SENP5: variants seen among roughly 807,000 people sequenced by gnomAD.
SENP5 encodes the protein SUMO specific peptidase 5, also known as sentrin-specific protease 5.
A neutral mutation model predicts 74.2 loss-of-function variants in SENP5; 21 were observed. The observed-to-expected ratio is 0.28, with a 90% confidence interval of 0.20 to 0.41. The LOEUF (loss-of-function observed/expected upper bound fraction) is 0.41, where lower values mean the gene tolerates loss of function less well. SENP5 is among the 10% of genes least tolerant of loss of function. SENP5 has a pLI of 1.00. For synonymous variants in SENP5, 311 were observed against 312.7 expected, an observed-to-expected ratio of 0.99 and a Z score of 0.06; for missense variants, 717 against 889.1, an observed-to-expected ratio of 0.81 and a Z score of 2.46.
intron 1 of SENP5, among the ~76,000 whole-genome samples, chr3:196,875,724 TTTATTTTA>T (rs1713434365): frequency 6.6e-6 from 1 of 152,142 alleles, no homozygotes; most frequent in African/African-American, 2.4e-5. Flanking sequence ...TTTTTTAATT[TTTATTTTA>T]TTTTTTTATT....
chr3:196,890,550 G>A (rs1714157661), intron 2 of SENP5, among the ~76,000 whole-genome samples: 1 of 144,346 alleles, frequency 6.9e-6, no homozygotes, highest in African/African-American at 2.4e-5. Flanking sequence ...GTAGCGGGTT[G>A]CTGCAAAAAA....
intron 1 of SENP5, among the ~76,000 whole-genome samples, chr3:196,884,569 T>C (rs1713865832): frequency 6.6e-6 from 1 of 152,190 alleles, no homozygotes; most frequent in Admixed American, 6.5e-5. Flanking sequence ...GTATTACCTT[T>C]CTGTGTATAA....
chr3:196,890,753 A>T (rs1401574704), intron 2 of SENP5, among the ~76,000 whole-genome samples: 1 of 152,224 alleles, frequency 6.6e-6, no homozygotes, highest in Non-Finnish European at 1.5e-5. Context: ...TGTTTTCTAG[A>T]ACTGAAAAGA....
At chr3:196,908,010 C>T (rs1714976037) in intron 6 of SENP5, among the ~76,000 whole-genome samples, 1 of 152,158 alleles carries the variant, frequency 6.6e-6, no homozygotes, top group Non-Finnish European at 1.5e-5. Context: ...TGTCTCACAT[C>T]TGCAGTCTGA....
intron 1 of SENP5, among the ~76,000 whole-genome samples, chr3:196,884,272 G>A (rs79912185): frequency 6.6e-5 from 10 of 152,288 alleles, no homozygotes; most frequent in African/African-American, 2.4e-4. Context: ...TTTATCAAAT[G>A]CTCTCACCCA....
intron 6 of SENP5, among the ~76,000 whole-genome samples, chr3:196,918,977 GTATC>G (rs10576145): frequency 0.66 from 100,283 of 151,620 alleles, 34,208 homozygotes; most frequent in Non-Finnish European, 0.75. Flanking sequence ...ATGTATGTGT[GTATC>G]TATCTATCTA....
Position 196,885,222 on chromosome 3 carries a change from A to C in SENP5, c.41A>C (p.His14Pro), listed in dbSNP as rs764374169. ...AAAATTCTATGGAGGAAAGGAATCC[A>C]CTTAGCCTTTTCTGAGAAATGGAAT... ...QRKILWRKGI[H>P]LAFSEKWNTG... is the part of the protein sequence containing the mutation. Residue 14 changes from histidine to proline, a missense_variant, in exon 2 of 10, where the codon CAC (histidine) becomes CCC (proline). Transcript: ENST00000323460. 182 of 1,613,862 alleles carry C rather than the reference A, an allele frequency of 1.1e-4. No homozygotes were observed. Among genetic ancestry groups the C allele is most frequent in the Non-Finnish European group, 1.5e-4 (176 of 1,179,994 alleles).
intron 1 of SENP5, among the ~76,000 whole-genome samples, chr3:196,872,213 G>C (rs1251916972): frequency 6.6e-6 from 1 of 152,138 alleles, no homozygotes; most frequent in Admixed American, 6.6e-5. Flanking sequence ...CCTTGTGTGC[G>C]TGTTTTATCT....
chr3:196,918,137 T>C (rs748839491), intron 6 of SENP5, among the ~76,000 whole-genome samples: 22 of 149,560 alleles, frequency 1.5e-4, no homozygotes, highest in Non-Finnish European at 2.7e-4. Context: ...AAACTCTGTC[T>C]CTACTAAAAA....
intron 1 of SENP5, among the ~76,000 whole-genome samples, chr3:196,876,245 TAAG>T (rs1325908678): frequency 2.0e-5 from 3 of 152,052 alleles, no homozygotes; most frequent in Non-Finnish European, 2.9e-5. Context: ...TCAGACAGCT[TAAG>T]AAGTATTTAT....
At chr3:196,911,161 A>G (rs933453445) in intron 6 of SENP5, among the ~76,000 whole-genome samples, 2 of 152,238 alleles carry the variant, frequency 1.3e-5, no homozygotes, top group Admixed American at 6.5e-5. Flanking sequence ...AGGCGTGGGC[A>G]AAGACTTCAT....
At chr3:196,929,987 T>TAAA (rs76093991) in intron 9 of SENP5, among the ~76,000 whole-genome samples, 3 of 136,622 alleles carry the variant, frequency 2.2e-5, no homozygotes, top group Non-Finnish European at 3.2e-5. Flanking sequence ...GGCATTTGCA[T>TAAA]AAAAAAAAAA....
intron 1 of SENP5, among the ~76,000 whole-genome samples, chr3:196,876,100 A>G (rs1713452779): frequency 6.6e-6 from 1 of 152,176 alleles, no homozygotes; most frequent in Non-Finnish European, 1.5e-5. Context: ...TTTATATAGA[A>G]GTGATTTTTC....
chr3:196,910,635 C>T (rs1055033097), intron 6 of SENP5, among the ~76,000 whole-genome samples: 2 of 151,884 alleles, frequency 1.3e-5, no homozygotes, highest in South Asian at 2.1e-4. Flanking sequence ...TGTGAGCCAC[C>T]ACTCCTGGCT....
At chr3:196,889,539 A>G (rs1475177500) in intron 2 of SENP5, among the ~76,000 whole-genome samples, 3 of 152,182 alleles carry the variant, frequency 2.0e-5, no homozygotes, top group African/African-American at 7.2e-5. Flanking sequence ...TTGGGTTTAA[A>G]TCTCTTAGAA....
intron 6 of SENP5, among the ~76,000 whole-genome samples, chr3:196,906,328 TTA>T (rs1211739129): frequency 2.6e-5 from 4 of 152,190 alleles, no homozygotes; most frequent in Non-Finnish European, 4.4e-5. Flanking sequence ...GTGCCAGACA[TTA>T]TAGTAAATCA....
rs1164832321 is a variant in SENP5, at chr3:196,923,566, T to C, written c.2022+15T>C. The C allele has an allele frequency of 6.4e-7, 1 of 1,553,772 alleles. No homozygotes were observed. The highest frequency in any genetic ancestry group is 2.3e-5 in the East Asian group (1 of 44,226). On this transcript the variant is annotated intron_variant, in intron 7 of 9. Coordinates refer to ENST00000323460, the MANE Select transcript of SENP5 (RefSeq NM_152699.5). The stretch of plus-strand genomic sequence containing the variant: ...TTTGTGTAGAGGTAAGTTAATATAC[T>C]GCCTATTTTTTCATTTATTTTGTAA...
chr3:196,926,639 CTTT>C (rs1192258612), intron 7 of SENP5, among the ~76,000 whole-genome samples: 4 of 126,664 alleles, frequency 3.2e-5, no homozygotes, highest in Non-Finnish European at 1.6e-5. Flanking sequence ...TCCAGTCCAC[CTTT>C]TTTTTTTTTT....
At position 196,867,952 on chromosome 3, in the gene SENP5, C is replaced by G. The variant is rs940666715; in HGVS notation, c.-153C>G. The G allele has an allele frequency of 6.6e-6, 1 of 152,264 alleles. No individual in the cohort carries two copies. The highest frequency in any genetic ancestry group is 2.4e-5 in the African/African-American group (1 of 41,560). The allele number at this position is 152,264 out of a possible 1,614,324, so 9.4% of individuals were successfully genotyped here. A position where few individuals can be genotyped will look rare whatever the true frequency, so the allele number is the denominator to read the frequency against. ...GCTCGGCGGCTGTGGCCGCGGCGAA[C>G]AGGCCGGACGCCTCGTCGCTGGCGG... On this transcript the variant is annotated 5_prime_UTR_variant, in exon 1 of 10. Transcript: ENST00000323460.
Sources: allele counts gnomAD v4.1 joint callset (sites outside exome capture counted in the v4.1 genomes callset), GRCh38; gene constraint gnomAD v4.1.1; transcripts MANE v1.5; gene names NCBI Gene and HGNC (gene_info 2026-07-23, HGNC 2026-07-21).